The following THEM4 variants were observed in gnomAD, a reference collection of about 807,000 sequenced individuals.
THEM4 encodes the protein acyl-coenzyme A thioesterase THEM4.
Under a neutral mutation model 25.0 loss-of-function variants are expected in THEM4, and 22 were observed. That is an observed-to-expected ratio of 0.88 (90% CI 0.63 to 1.26). The LOEUF is 1.26. THEM4 is among the 50% of genes most tolerant of loss of function. The probability of loss-of-function intolerance (pLI) is 0.00; values close to 1 mark genes in which losing one functional copy is unlikely to be tolerated. For synonymous variants in THEM4, 113 were observed against 105.6 expected (o/e 1.07, Z -0.43); for missense variants, 286 against 300.3 (o/e 0.95, Z 0.35).
At chr1:151,908,417 G>C (rs1208635010) in intron 1 of THEM4, among the ~76,000 whole-genome samples, 1 of 152,150 alleles carries the variant, frequency 6.6e-6, no homozygotes, top group East Asian at 1.9e-4. Context: ...ATTCATCCTG[G>C]CTTAGGGAAT....
At chr1:151,907,931 T>C (rs1303886988) in intron 1 of THEM4, among the ~76,000 whole-genome samples, 2 of 152,140 alleles carry the variant, frequency 1.3e-5, no homozygotes, top group Non-Finnish European at 2.9e-5. Context: ...AGGGCATAAA[T>C]GAGCCACAGC....
chr1:151,909,294 C>A, intron 1 of THEM4, 66 bp downstream of exon 1: 1 of 1,333,914 alleles, frequency 7.5e-7, no homozygotes, highest in Non-Finnish European at 1.0e-6. Flanking sequence ...CAATCGAAGG[C>A]TCTGTTACCG....
chr1:151,888,092 A>C (rs1654010291), intron 4 of THEM4, among the ~76,000 whole-genome samples, 181 bp downstream of exon 4: 1 of 152,160 alleles, frequency 6.6e-6, no homozygotes, highest in African/African-American at 2.4e-5. Flanking sequence ...GACTTTTGAG[A>C]GTTCAGCCTT....
chr1:151,881,035 C>T (rs891022395), intron 4 of THEM4, among the ~76,000 whole-genome samples: 6 of 151,986 alleles, frequency 3.9e-5, no homozygotes, highest in African/African-American at 1.5e-4. Flanking sequence ...TTATTTTAAT[C>T]ATTCTCTCCA....
intron 1 of THEM4, among the ~76,000 whole-genome samples, chr1:151,896,631 A>G (rs1654232590): frequency 6.6e-6 from 1 of 152,202 alleles, no homozygotes; most frequent in Non-Finnish European, 1.5e-5. Context: ...CTTAACACTA[A>G]GCTAACTGGC....
intron 4 of THEM4, among the ~76,000 whole-genome samples, chr1:151,886,415 T>A (rs908031426): frequency 6.6e-6 from 1 of 152,200 alleles, no homozygotes; most frequent in Admixed American, 6.5e-5. Context: ...GTTTTCAAAG[T>A]AACCGTTTAC....
chr1:151,871,455 C>T lies in THEM4; in HGVS notation c.*3433G>A, dbSNP rs182465161. Among the ~76,000 whole-genome samples, 9 of 152,318 alleles carry T rather than the reference C, an allele frequency of 5.9e-5. No homozygotes were observed. In the East Asian group the frequency reaches 1.3e-3, roughly 23 times the overall value. On this transcript the variant is annotated 3_prime_UTR_variant, in exon 6 of 6. Coordinates refer to ENST00000368814, the MANE Select transcript of THEM4 (RefSeq NM_053055.5). ...AGCTGGCAATTCTGATAGCATCTCT[C>T]TCCTTCTTTCTACCTGTTCTGCCAC...
At position 151,907,383 on chromosome 1, in the gene THEM4, AG is replaced by A. The variant is rs371636897; in HGVS notation, c.99+1976del. On this transcript the variant is annotated intron_variant, in intron 1 of 5. Coordinates refer to ENST00000368814, the MANE Select transcript of THEM4 (RefSeq NM_053055.5). Reference sequence around the variant, plus strand: ...ACCAAGAACCCATCAATTCCGACACAGTATGTAATCCTGAATTATGCACCTG... The same window carrying A: ...ACCAAGAACCCATCAATTCCGACACATATGTAATCCTGAATTATGCACCTG... Among the ~76,000 whole-genome samples, 373 of 152,366 alleles carry A rather than the reference AG, an allele frequency of 2.4e-3. 1 individual carries two copies. The highest frequency in any genetic ancestry group is 8.5e-3 in the African/African-American group (354 of 41,586).
rs188456008 is a variant in THEM4, at chr1:151,871,801, G to A, written c.*3087C>T. Among the ~76,000 whole-genome samples, 164 of 152,306 alleles carry A rather than the reference G, an allele frequency of 1.1e-3. No individual in the cohort carries two copies. The highest frequency in any genetic ancestry group is 3.9e-3 in the African/African-American group (160 of 41,552). On this transcript the variant is annotated 3_prime_UTR_variant, in exon 6 of 6. Transcript: ENST00000368814. ...AGTTAGGTTCTTTCACTTGGCTGGA[G>A]GTCTGGTGTGCCATAGCAGTTCTGC... is the stretch of plus-strand genomic sequence containing the variant.
At chr1:151,892,138 T>C (rs1654108027) in intron 2 of THEM4, among the ~76,000 whole-genome samples, 1 of 152,004 alleles carries the variant, frequency 6.6e-6, no homozygotes, top group African/African-American at 2.4e-5. Context: ...GCAAAGAGGA[T>C]CTCAAACTCC....
intron 1 of THEM4, among the ~76,000 whole-genome samples, chr1:151,904,909 G>A (rs1018402182): frequency 6.6e-5 from 10 of 152,076 alleles, no homozygotes; most frequent in Non-Finnish European, 1.3e-4. Flanking sequence ...GTTTGGCAGG[G>A]GTTGAATTTG....
intron 1 of THEM4, among the ~76,000 whole-genome samples, chr1:151,898,669 TCA>T (rs1440254625): frequency 6.6e-6 from 1 of 152,124 alleles, no homozygotes; most frequent in Admixed American, 6.5e-5. Context: ...CTAAGAACCC[TCA>T]CAGAGTCCAC....
intron 1 of THEM4, among the ~76,000 whole-genome samples, chr1:151,904,114 A>G (rs12404386): frequency 6.6e-6 from 1 of 152,246 alleles, no homozygotes; most frequent in Admixed American, 6.5e-5. Flanking sequence ...CATTAAGGAG[A>G]GAATGGGGAG....
chr1:151,882,567 C>A (rs1258537722), intron 4 of THEM4, among the ~76,000 whole-genome samples: 1 of 152,104 alleles, frequency 6.6e-6, no homozygotes, highest in Non-Finnish European at 1.5e-5. Flanking sequence ...GGATTCAAAT[C>A]CCCAACAGTC....
intron 1 of THEM4, among the ~76,000 whole-genome samples, chr1:151,903,652 G>T (rs1256788421): frequency 6.6e-6 from 1 of 152,176 alleles, no homozygotes. Context: ...ATTCATCACA[G>T]ATTACTATGT....
At chr1:151,879,262 C>T (rs1364708506) in intron 4 of THEM4, among the ~76,000 whole-genome samples, 1 of 152,102 alleles carries the variant, frequency 6.6e-6, no homozygotes, top group Non-Finnish European at 1.5e-5. Context: ...CTGGGTCTCT[C>T]AATCACTTCA....
Position 151,873,887 on chromosome 1 carries a change from A to C in THEM4, c.*1001T>G, listed in dbSNP as rs1449779768. On this transcript the variant is annotated 3_prime_UTR_variant, in exon 6 of 6. Transcript: ENST00000368814. ...TTTCAGGAGAATGGCCTTGGTCAAC[A>C]CCTTGATTTTGAACTTCTGGCCTCC... is the stretch of plus-strand genomic sequence containing the variant. The C allele has an allele frequency of 6.6e-6, 1 of 152,164 alleles. No homozygotes were observed. Among genetic ancestry groups the C allele is most frequent in the Non-Finnish European group, 1.5e-5 (1 of 68,044 alleles). 9.4% of individuals were successfully genotyped at this position (152,164 alleles called of 1,614,324 possible). A position where few individuals can be genotyped will look rare whatever the true frequency, so the allele number is the denominator to read the frequency against.
At position 151,871,645 on chromosome 1, in the gene THEM4, A is replaced by G. The variant is rs191161625; in HGVS notation, c.*3243T>C. ...AGTGACTGAGCTTTTTCCTTAGTTG[A>G]TCTTGTGCAGCATCTAACCTGGATG... On this transcript the variant is annotated 3_prime_UTR_variant, in exon 6 of 6. Coordinates refer to ENST00000368814, the MANE Select transcript of THEM4 (RefSeq NM_053055.5). Among the ~76,000 whole-genome samples, 65 of 152,348 alleles carry G rather than the reference A, an allele frequency of 4.3e-4. No homozygotes were observed. Among genetic ancestry groups the G allele is most frequent in the Admixed American group, 1.3e-3 (20 of 15,310 alleles).
chr1:151,874,650 T>C lies in THEM4; in HGVS notation c.*238A>G, dbSNP rs12045899. 188,803 of 571,398 alleles carry C rather than the reference T, an allele frequency of 0.33. 33,866 individuals are homozygous for C. Among genetic ancestry groups the C allele is most frequent in the Non-Finnish European group, 0.38 (120,914 of 320,358 alleles). The allele number at this position is 571,398 out of a possible 1,614,324, so 35.4% of individuals were successfully genotyped here. A position where few individuals can be genotyped will look rare whatever the true frequency, so the allele number is the denominator to read the frequency against. On this transcript the variant is annotated 3_prime_UTR_variant, in exon 6 of 6. Coordinates refer to ENST00000368814, the MANE Select transcript of THEM4 (RefSeq NM_053055.5). ...TCGGCCTCCTAAAGTGCTGGGATTA[T>C]AGGTGTGAGCCACAGCGCCTGGCCC... is the stretch of plus-strand genomic sequence containing the variant.
Sources: gnomAD v4.1 joint callset for allele counts (sites outside exome capture counted in the v4.1 genomes callset) on GRCh38, gnomAD v4.1.1 for gene constraint, MANE v1.5 for transcripts, NCBI Gene and HGNC (gene_info 2026-07-23, HGNC 2026-07-21) for gene names.